WWC2: variants seen among roughly 807,000 people sequenced by gnomAD.
WWC2 encodes protein WWC2.
In WWC2, 101 loss-of-function variants were observed where a neutral mutation model predicts 138.5. The observed-to-expected ratio is 0.73, with a 90% CI of 0.62 to 0.86. WWC2 has a LOEUF of 0.86. WWC2 is among the 40% of genes least tolerant of loss of function. The pLI, the probability that WWC2 is intolerant of heterozygous loss-of-function variation, is 0.00. For synonymous variants in WWC2, 558 were observed against 538.4 expected (o/e 1.04, Z -0.50); for missense variants, 1,420 against 1,419.4 (o/e 1.00, Z -0.01).
At chr4:183,167,278 C>T (rs1054178784) in intron 1 of WWC2, among the ~76,000 whole-genome samples, 1 of 152,100 alleles carries the variant, frequency 6.6e-6, no homozygotes, top group South Asian at 2.1e-4. Flanking sequence ...GAGAACCTAC[C>T]GTATGCTAGA....
At chr4:183,255,643 C>G (rs1184613088) in intron 9 of WWC2, among the ~76,000 whole-genome samples, 1 of 151,920 alleles carries the variant, frequency 6.6e-6, no homozygotes, top group Non-Finnish European at 1.5e-5. Context: ...CAGATTTGTT[C>G]TGGCAGAGAA....
intron 1 of WWC2, among the ~76,000 whole-genome samples, chr4:183,193,204 T>A (rs1735039630): frequency 6.6e-6 from 1 of 152,220 alleles, no homozygotes; most frequent in African/African-American, 2.4e-5. Flanking sequence ...TGTAACCTGA[T>A]GTGGATCTTG....
intron 6 of WWC2, among the ~76,000 whole-genome samples, chr4:183,247,377 G>A (rs984052872): frequency 3.3e-5 from 5 of 151,122 alleles, no homozygotes; most frequent in Admixed American, 1.3e-4. Context: ...TTTTTTCACT[G>A]TATAGATGGA....
rs1038392537 is a variant in WWC2, at chr4:183,265,188, C to G, written c.2039+81C>G. 1.5e-5 allele frequency: 22 copies of G among 1,481,752 alleles called. No individual in the cohort carries two copies. The African/African-American group carries it at 3.1e-4, about 21-fold the overall frequency. 91.8% of individuals were successfully genotyped at this position (1,481,752 alleles called of 1,614,324 possible). The stretch of plus-strand genomic sequence containing the variant: ...TGGGTTATATGCTGTAAATGGACTG[C>G]TACCATTAGTCCGCTCTTTGGCTTA... On this transcript the variant is annotated intron_variant, in intron 12 of 22. Transcript: ENST00000403733.
chr4:183,165,348 C>T (rs1377751129), intron 1 of WWC2, among the ~76,000 whole-genome samples: 1 of 152,102 alleles, frequency 6.6e-6, no homozygotes, highest in East Asian at 1.9e-4. Context: ...CTGATAACAA[C>T]AGAAAAGCAT....
rs552330282 is a variant in WWC2 at position 183,286,974 on chromosome 4, G to A, written c.3141+915G>A. Among the ~76,000 whole-genome samples the A allele has an allele frequency of 7.2e-5, 11 of 152,268 alleles. No individual in the cohort carries two copies. The East Asian group carries it at 1.9e-3, about 27-fold the overall frequency. On this transcript the variant is annotated intron_variant, in intron 20 of 22. Transcript: ENST00000403733. Reference sequence around the variant, plus strand: ...GGTGGGGGTGTGATGGATACTGGGCGCTGTGGGTAGGTGGCGTAAAATGAT... The same window carrying A: ...GGTGGGGGTGTGATGGATACTGGGCACTGTGGGTAGGTGGCGTAAAATGAT...
chr4:183,178,359 A>C, intron 1 of WWC2, among the ~76,000 whole-genome samples: 1 of 150,482 alleles, frequency 6.6e-6, no homozygotes, highest in East Asian at 2.0e-4. Flanking sequence ...TGGGCTACAC[A>C]GTGAGACCCT....
chr4:183,300,750 CT>C (rs36125664), intron 21 of WWC2, among the ~76,000 whole-genome samples: 36 of 146,848 alleles, frequency 2.5e-4, no homozygotes, highest in East Asian at 3.9e-4. Flanking sequence ...CCCTGGTCAG[CT>C]TTTTTTTTTT....
In WWC2 at chr4:183,207,586, C is replaced by T. The variant is rs140328733; in HGVS notation, c.242-367C>T. ...GCTGATGCAGAGGGCAGTGTGTCTACAGTCCTGTATTAGGTGAATGAAGGT... is the reference window on the plus strand; with the variant it reads ...GCTGATGCAGAGGGCAGTGTGTCTATAGTCCTGTATTAGGTGAATGAAGGT... On this transcript the variant is annotated intron_variant, in intron 2 of 22. Coordinates refer to ENST00000403733, the MANE Select transcript of WWC2 (RefSeq NM_024949.6). Among the ~76,000 whole-genome samples, 623 of 152,228 alleles carry T rather than the reference C, an allele frequency of 4.1e-3. 4 individuals are homozygous for T. The highest frequency in any genetic ancestry group is 0.014 in the African/African-American group (577 of 41,524).
rs557503791 is a variant in WWC2 at position 183,265,967 on chromosome 4, G to A, written c.2207+16G>A. 6 of 1,598,252 alleles carry A rather than the reference G, an allele frequency of 3.8e-6. No homozygotes were observed. The highest frequency in any genetic ancestry group is 1.1e-5 in the South Asian group (1 of 88,694). ...CTTCAAAAGTGTAAGTAAAATCAGC[G>A]AAGATCAAATTGAGGAACTTAAACA... On this transcript the variant is annotated intron_variant, in intron 14 of 22. Coordinates refer to ENST00000403733, the MANE Select transcript of WWC2 (RefSeq NM_024949.6).
In WWC2 at chr4:183,099,601, G is replaced by T; in HGVS notation, c.110G>T (p.Ser37Ile). The T allele has an allele frequency of 2.2e-6, 3 of 1,378,486 alleles. No individual in the cohort carries two copies. Among genetic ancestry groups the T allele is most frequent in the Non-Finnish European group, 1.9e-6 (2 of 1,047,988 alleles). The allele number at this position is 1,378,486 out of a possible 1,614,324, so 85.4% of individuals were successfully genotyped here. The change falls in exon 1 of 23, where the codon AGC becomes ATC. Residue 37 changes from serine to isoleucine, a missense_variant. By Grantham distance (142) the Ser-to-Ile change is moderately radical. Coordinates refer to ENST00000403733, the MANE Select transcript of WWC2 (RefSeq NM_024949.6). The part of the protein sequence containing the change: ...FYIDHNTRRT[S>I]WIDPRDRLTK... ...ATTGACCACAACACCAGGAGGACCA[G>T]CTGGATCGACCCCCGGGACAGGTGG...
intron 1 of WWC2, among the ~76,000 whole-genome samples, chr4:183,140,364 C>T: frequency 6.6e-6 from 1 of 152,078 alleles, no homozygotes; most frequent in Middle Eastern, 3.2e-3. Context: ...TCCTGTGGTG[C>T]CTTGCCCGAG....
At chr4:183,206,610 C>G (rs1411360362) in intron 2 of WWC2, among the ~76,000 whole-genome samples, 2 of 152,168 alleles carry the variant, frequency 1.3e-5, no homozygotes, top group African/African-American at 2.4e-5. Context: ...AATAGAACAT[C>G]AGCATCCAGG....
Position 183,099,498 on chromosome 4 carries a change from A to C in WWC2, c.7A>C (p.Arg3=). 2 of 1,350,960 alleles carry C rather than the reference A, an allele frequency of 1.5e-6. No individual in the cohort carries two copies. The highest frequency in any genetic ancestry group is 3.6e-5 in the South Asian group (2 of 56,074). 83.7% of individuals were successfully genotyped at this position (1,350,960 alleles called of 1,614,324 possible). ...GCCGGCGAGGCCGCCGACCATGCCT[A>C]GGAGGGCCGGGAGCGGTCAGCTGCC... MP[R]RAGSGQLPLP... is the part of the protein sequence containing the mutation. Residue 3 remains arginine (R), a synonymous_variant, in exon 1 of 23, where the codon AGG becomes CGG. Coordinates refer to ENST00000403733, the MANE Select transcript of WWC2 (RefSeq NM_024949.6).
intron 20 of WWC2, 104 bp downstream of exon 20, chr4:183,286,163 G>A (rs1738243015): frequency 3.6e-6 from 4 of 1,106,758 alleles, no homozygotes; most frequent in Non-Finnish European, 4.0e-6. Flanking sequence ...AGTGCTCCAT[G>A]CGCTTGGCCT....
intron 17 of WWC2, 155 bp from the exon 18 acceptor site, chr4:183,282,553 A>T (rs2871353): frequency 0.71 from 510,492 of 717,384 alleles, 183,252 homozygotes; most frequent in Middle Eastern, 0.74. Context: ...GGATTTTTTT[A>T]AATGAGACAT....
At position 183,190,165 on chromosome 4, in the gene WWC2, A is replaced by ATTG. The variant is rs778902377; in HGVS notation, c.132-3424_132-3422dup. The stretch of plus-strand genomic sequence containing the variant: ...TAGTTAATTTCAGGATTTTGTTGTT[A>ATTG]TTGTTGTTGTTGCTTGTTGTTGCTC... On this transcript the variant is annotated intron_variant, in intron 1 of 22. Coordinates refer to ENST00000403733, the MANE Select transcript of WWC2 (RefSeq NM_024949.6). Among the ~76,000 whole-genome samples, 12 of 152,266 alleles carry ATTG rather than the reference A, an allele frequency of 7.9e-5. 1 individual carries two copies. Among genetic ancestry groups the ATTG allele is most frequent in the African/African-American group, 2.9e-4 (12 of 41,552 alleles).
intron 4 of WWC2, among the ~76,000 whole-genome samples, chr4:183,213,677 G>T (rs879882067): frequency 6.6e-6 from 1 of 152,068 alleles, no homozygotes; most frequent in Non-Finnish European, 1.5e-5. Flanking sequence ...AGTACTTCCC[G>T]ATACCTTATT....
chr4:183,296,736 A>G (rs1391881060), intron 21 of WWC2, among the ~76,000 whole-genome samples: 1 of 151,826 alleles, frequency 6.6e-6, no homozygotes, highest in Non-Finnish European at 1.5e-5. Flanking sequence ...GATCGAAACC[A>G]CCCTGGCTAA....
Sources: allele counts gnomAD v4.1 joint callset (sites outside exome capture counted in the v4.1 genomes callset), GRCh38; gene constraint gnomAD v4.1.1; transcripts MANE v1.5; gene names NCBI Gene and HGNC (gene_info 2026-07-23, HGNC 2026-07-21).